Variants in RNF166 observed in about 807,000 individuals in gnomAD.
The protein encoded by RNF166 is ring finger protein 166, also known as E3 ubiquitin-protein ligase RNF166.
In RNF166, 19 loss-of-function variants were observed where a neutral mutation model predicts 29.4. That is an observed-to-expected ratio of 0.65 (90% CI 0.45 to 0.95). The LOEUF (loss-of-function observed/expected upper bound fraction) is 0.95, where lower values mean the gene tolerates loss of function less well. Among genes scored for constraint, RNF166 ranks in the 40% least tolerant of loss-of-function variants. The pLI, the probability that RNF166 is intolerant of heterozygous loss-of-function variation, is 0.00. For missense variants in RNF166, 347 were observed against 322.1 expected, an observed-to-expected ratio of 1.08 and a Z score of -0.59; for synonymous variants, 171 against 134.5, an observed-to-expected ratio of 1.27 and a Z score of -1.88.
Position 88,703,805 on chromosome 16 carries a change from C to G in RNF166, c.155+2366G>C, listed in dbSNP as rs1031860136. ...CGGGACTGCCAATGTGTCTCCCACACTGGCCGCTGCACAAGCTGAGAAGCT... is the reference window on the plus strand; with the variant it reads ...CGGGACTGCCAATGTGTCTCCCACAGTGGCCGCTGCACAAGCTGAGAAGCT... On this transcript the variant is annotated intron_variant, in intron 1 of 5. Transcript: ENST00000312838. 5.1e-6 allele frequency: 5 copies of G among 985,346 alleles called. No individual in the cohort carries two copies. In the African/African-American group the frequency reaches 5.2e-5, roughly 10 times the overall value. The allele number at this position is 985,346 out of a possible 1,614,324, so 61.0% of individuals were successfully genotyped here.
rs1024491676 is a variant in RNF166 at position 88,701,199 on chromosome 16, C to T, written c.312+63G>A. ...GCCCCGGCCCCCACCCTCTGCAGAA[C>T]CCGTGGGCTGAGGCTGCCCATCAAG... On this transcript the variant is annotated intron_variant, in intron 2 of 5. Transcript: ENST00000312838. 8.2e-6 allele frequency: 13 copies of T among 1,592,758 alleles called. No individual in the cohort carries two copies. The Admixed American group carries it at 8.4e-5, about 10-fold the overall frequency.
chr16:88,702,953 G>A, intron 1 of RNF166: 1 of 985,498 alleles, frequency 1.0e-6, no homozygotes, highest in Non-Finnish European at 1.2e-6. Context: ...CATGGCAGGA[G>A]AAGCGGAAGC....
intron 1 of RNF166, chr16:88,703,135 G>A (rs59253789): frequency 0.075 from 73,957 of 981,358 alleles, 4,840 homozygotes; most frequent in African/African-American, 0.32. Flanking sequence ...GTCCACTCAC[G>A]CTCAACGTCC....
chr16:88,704,636 C>T (rs539683530), intron 1 of RNF166: 39 of 810,540 alleles, frequency 4.8e-5, no homozygotes, highest in Non-Finnish European at 5.7e-5. Context: ...AGCCTCACAG[C>T]GCTCAGTAAC....
intron 3 of RNF166, 31 bp from the exon 4 acceptor site, chr16:88,699,116 G>A (rs773500233): frequency 1.2e-5 from 17 of 1,437,852 alleles, no homozygotes; most frequent in South Asian, 3.6e-5. Context: ...TGAGTGGCAC[G>A]GCTAGGTGTC....
At chr16:88,703,014 C>T (rs1255947433) in intron 1 of RNF166, 2 of 985,260 alleles carry the variant, frequency 2.0e-6, no homozygotes, top group Admixed American at 6.2e-5. Context: ...GGCGTGCACA[C>T]CCATGGAAAG....
At position 88,700,638 on chromosome 16, in the gene RNF166, G is replaced by A. The variant is rs539409796; in HGVS notation, c.312+624C>T. On this transcript the variant is annotated intron_variant, in intron 2 of 5. Coordinates refer to ENST00000312838, the MANE Select transcript of RNF166 (RefSeq NM_178841.4). ...ATCACCTCTAGCTGCTCAGTCCTCC[G>A]GAAGCCACTGAAAGAACGGGGCGCT... is the stretch of plus-strand genomic sequence containing the variant. The A allele has an allele frequency of 2.9e-5, 29 of 986,636 alleles. No individual in the cohort carries two copies. In the South Asian group the frequency reaches 3.2e-4, roughly 11 times the overall value. The allele number at this position is 986,636 out of a possible 1,614,324, so 61.1% of individuals were successfully genotyped here.
At chr16:88,700,375 G>A (rs559619209) in intron 2 of RNF166, among the ~76,000 whole-genome samples, 1 of 149,206 alleles carries the variant, frequency 6.7e-6, no homozygotes, top group Admixed American at 6.6e-5. Context: ...CATGTGACCG[G>A]TTCTGATCCT....
chr16:88,701,259 T>C lies in RNF166; in HGVS notation c.312+3A>G. On this transcript the variant is annotated splice_donor_region_variant and intron_variant, in intron 2 of 5. Transcript: ENST00000312838. ...CTCCAGGGCGGCCCAAGCAGGCGGG[T>C]ACCTTTTTGTTGCAGCCTCGACAGG... is the stretch of plus-strand genomic sequence containing the variant. 1 of 1,611,962 alleles carries C rather than the reference T, an allele frequency of 6.2e-7. No homozygotes were observed. The highest frequency in any genetic ancestry group is 8.5e-7 in the Non-Finnish European group (1 of 1,179,366).
intron 1 of RNF166, chr16:88,704,536 AG>A: frequency 1.2e-5 from 12 of 985,468 alleles, no homozygotes; most frequent in Non-Finnish European, 1.4e-5. Flanking sequence ...TGTGCAGGTT[AG>A]GAAAGTGGAG....
At position 88,706,271 on chromosome 16, in the gene RNF166, C is replaced by T; in HGVS notation, c.55G>A (p.Gly19Arg). 1.5e-6 allele frequency: 2 copies of T among 1,298,524 alleles called. No homozygotes were observed. The highest frequency in any genetic ancestry group is 1.6e-5 in the African/African-American group (1 of 63,652). The allele number at this position is 1,298,524 out of a possible 1,614,324, so 80.4% of individuals were successfully genotyped here. A position where few individuals can be genotyped will look rare whatever the true frequency, so the allele number is the denominator to read the frequency against. The change falls in exon 1 of 6, where the codon GGG (glycine) becomes AGG (arginine). Residue 19 changes from glycine to arginine, a missense_variant. By Grantham distance (125) the Gly-to-Arg change is moderately radical (BLOSUM62 -2). Transcript: ENST00000312838. ...ASAQQRQPPA[G>R]PAGGDSGLEA... Reference sequence around the variant, plus strand: ...AGGCCGCTGTCGCCGCCCGCCGGCCCGGCCGGCGGCTGCCGCTGCTGAGCC... The same window carrying T: ...AGGCCGCTGTCGCCGCCCGCCGGCCTGGCCGGCGGCTGCCGCTGCTGAGCC...
intron 1 of RNF166, among the ~76,000 whole-genome samples, chr16:88,705,547 G>A (rs1910699012): frequency 1.3e-5 from 2 of 152,208 alleles, no homozygotes; most frequent in Non-Finnish European, 2.9e-5. Context: ...AGCCGGCTGT[G>A]AGCCCTGGTG....
Position 88,697,228 on chromosome 16 carries a change from C to T in RNF166, c.*340G>A, listed in dbSNP as rs1327711737. 3 of 209,036 alleles carry T rather than the reference C, an allele frequency of 1.4e-5. No individual in the cohort carries two copies. Among genetic ancestry groups the T allele is most frequent in the East Asian group, 1.2e-4 (1 of 8,466 alleles). 12.9% of individuals were successfully genotyped at this position (209,036 alleles called of 1,614,324 possible). On this transcript the variant is annotated 3_prime_UTR_variant, in exon 6 of 6. Coordinates refer to ENST00000312838, the MANE Select transcript of RNF166 (RefSeq NM_178841.4). ...CGGCTCGACTGCGGAGCGCGACTCG[C>T]GCGTCGGTCCCTTCTTCCCACGAGG...
chr16:88,700,981 C>T, intron 2 of RNF166: 1 of 1,324,812 alleles, frequency 7.5e-7, no homozygotes, highest in South Asian at 1.6e-5. Flanking sequence ...TGGTCCTTAC[C>T]CTGGCCACAA....
intron 1 of RNF166, chr16:88,704,041 G>A (rs746643292): frequency 6.1e-6 from 6 of 985,314 alleles, no homozygotes; most frequent in Non-Finnish European, 7.2e-6. Flanking sequence ...TGGGCCCCCA[G>A]GGGGCCTCCT....
chr16:88,699,868 T>A, intron 2 of RNF166, 136 bp from the exon 3 acceptor site: 1 of 594,534 alleles, frequency 1.7e-6, no homozygotes, highest in South Asian at 2.2e-5. Flanking sequence ...GGGGACCCGG[T>A]CCCTTCTGCT....
At chr16:88,700,784 G>T in intron 2 of RNF166, 1 of 1,013,144 alleles carries the variant, frequency 9.9e-7, no homozygotes, top group Non-Finnish European at 1.2e-6. Flanking sequence ...AGGCCCTTAC[G>T]CTGCTCTGAT....
At position 88,697,541 on chromosome 16, in the gene RNF166, G is replaced by A. The variant is rs969102429; in HGVS notation, c.*27C>T. ...AGGAGCGGGGACATCCCTGACCCCA[G>A]ACGCAGGCGGGTGGCTGCGCTTCCC... On this transcript the variant is annotated 3_prime_UTR_variant, in exon 6 of 6. Coordinates refer to ENST00000312838, the MANE Select transcript of RNF166 (RefSeq NM_178841.4). 30 of 1,535,308 alleles carry A rather than the reference G, an allele frequency of 2.0e-5. No homozygotes were observed. Among genetic ancestry groups the A allele is most frequent in the Non-Finnish European group, 2.3e-5 (26 of 1,135,896 alleles).
At chr16:88,701,627 C>T in intron 1 of RNF166, 1 of 543,812 alleles carries the variant, frequency 1.8e-6, no homozygotes, top group Admixed American at 3.6e-5. Context: ...GGCCCCGGTC[C>T]CTCCTGACAG....
Sources: gnomAD v4.1 joint callset for allele counts (sites outside exome capture counted in the v4.1 genomes callset) on GRCh38, gnomAD v4.1.1 for gene constraint, MANE v1.5 for transcripts, NCBI Gene and HGNC (gene_info 2026-07-23, HGNC 2026-07-21) for gene names.